Variants in ITGA2 observed in about 807,000 individuals in gnomAD.
The protein encoded by ITGA2 is integrin subunit alpha 2.
ITGA2 carries 101 observed loss-of-function variants against 146.3 expected under a neutral mutation model. That is an observed-to-expected ratio of 0.69 (90% CI 0.59 to 0.81). The LOEUF (loss-of-function observed/expected upper bound fraction) is 0.81. Among genes scored for constraint, ITGA2 ranks in the 40% least tolerant of loss-of-function variants. The pLI is 0.00. For synonymous variants in ITGA2, 477 were observed against 487.1 expected, an observed-to-expected ratio of 0.98 and a Z score of 0.27; for missense variants, 1,281 against 1,402.7, an observed-to-expected ratio of 0.91 and a Z score of 1.39.
At position 53,091,408 on chromosome 5, in the gene ITGA2, G is replaced by C. The variant is rs2112056457; in HGVS notation, c.*809G>C. 1 of 152,284 alleles carries C rather than the reference G, an allele frequency of 6.6e-6. No individual in the cohort carries two copies. The highest frequency in any genetic ancestry group is 6.5e-5 in the Admixed American group (1 of 15,300). The allele number at this position is 152,284 out of a possible 1,614,324, so 9.4% of individuals were successfully genotyped here. ...CCATCCTGTGCCAGAGGAAGGAAAA[G>C]GAGGAAATTTCCTTTCTCTTTTAGG... On this transcript the variant is annotated 3_prime_UTR_variant, in exon 30 of 30. Coordinates refer to ENST00000296585, the MANE Select transcript of ITGA2 (RefSeq NM_002203.4).
At chr5:52,991,155 C>A (rs557276199) in intron 1 of ITGA2, among the ~76,000 whole-genome samples, 1 of 152,236 alleles carries the variant, frequency 6.6e-6, no homozygotes, top group South Asian at 2.1e-4. Context: ...AAAATAACAT[C>A]TGCAAAAGTT....
chr5:53,006,330 G>T (rs1741848403), intron 1 of ITGA2, among the ~76,000 whole-genome samples: 1 of 152,044 alleles, frequency 6.6e-6, no homozygotes, highest in Admixed American at 6.6e-5. Context: ...TCTTTTTAGG[G>T]TTCTCCTATA....
rs193168830 is a variant in ITGA2 at position 53,073,111 on chromosome 5, T to C, written c.2430-7T>C. The C allele has an allele frequency of 1.9e-6, 3 of 1,611,584 alleles. No homozygotes were observed. Among genetic ancestry groups the C allele is most frequent in the East Asian group, 4.5e-5 (2 of 44,716 alleles). On this transcript the variant is annotated splice_polypyrimidine_tract_variant and splice_region_variant and intron_variant, in intron 19 of 29. Transcript: ENST00000296585. The stretch of plus-strand genomic sequence containing the variant: ...GGCTTTTCCCCCCTCCTTTTTACTT[T>C]TAACAGAGAACAACCCTTTATTGTC...
At chr5:53,043,799 A>T (rs1743923729) in intron 3 of ITGA2, among the ~76,000 whole-genome samples, 1 of 152,192 alleles carries the variant, frequency 6.6e-6, no homozygotes, top group Non-Finnish European at 1.5e-5. Context: ...ATAGAGTCTT[A>T]AAAAGAGTTC....
In ITGA2 at chr5:53,039,426, G is replaced by GT. The variant is rs764626858; in HGVS notation, c.186-2678dup. ...GCTTCCCTCTCAACTTGGTTGATTT[G>GT]TTTTTTTTACATTTACTTGGACCAA... On this transcript the variant is annotated intron_variant, in intron 2 of 29. Transcript: ENST00000296585. 9.9e-4 allele frequency among the ~76,000 whole-genome samples: 150 copies of GT among 151,834 alleles called. 1 individual carries two copies. Among genetic ancestry groups the GT allele is most frequent in the African/African-American group, 3.5e-3 (144 of 41,416 alleles).
chr5:53,073,690 G>A (rs1317808188), intron 20 of ITGA2, among the ~76,000 whole-genome samples: 1 of 151,760 alleles, frequency 6.6e-6, no homozygotes, highest in Non-Finnish European at 1.5e-5. Flanking sequence ...TATACCAGGA[G>A]CACACTTGAC....
intron 7 of ITGA2, among the ~76,000 whole-genome samples, chr5:53,052,795 A>G (rs1242126184): frequency 6.6e-6 from 1 of 151,582 alleles, no homozygotes; most frequent in Admixed American, 6.6e-5. Context: ...TCCTTTTCCT[A>G]TTTTTTCTTC....
At chr5:53,072,504 T>C (rs1444031177) in intron 18 of ITGA2, 109 bp from the exon 19 acceptor site, 2 of 735,088 alleles carry the variant, frequency 2.7e-6, no homozygotes, top group African/African-American at 1.8e-5. Context: ...TCCTAGAACA[T>C]TGTTTGGTTT....
intron 1 of ITGA2, among the ~76,000 whole-genome samples, chr5:53,000,541 C>T (rs150208254): frequency 9.0e-4 from 137 of 152,258 alleles, no homozygotes; most frequent in Admixed American, 1.7e-3. Context: ...GCCTACACTT[C>T]ATTCTGGTTA....
At chr5:53,074,530 G>C (rs887048020) in intron 21 of ITGA2, 53 bp downstream of exon 21, 1 of 1,326,628 alleles carries the variant, frequency 7.5e-7, no homozygotes, top group African/African-American at 1.4e-5. Context: ...TAGCACATAT[G>C]CTAATTTACC....
At chr5:53,011,018 G>C (rs1460148050) in intron 1 of ITGA2, among the ~76,000 whole-genome samples, 1 of 152,130 alleles carries the variant, frequency 6.6e-6, no homozygotes, top group Non-Finnish European at 1.5e-5. Flanking sequence ...ACAGCCCCAA[G>C]AAGATAGAAG....
intron 1 of ITGA2, among the ~76,000 whole-genome samples, chr5:53,004,110 C>T (rs1741713339): frequency 6.6e-6 from 1 of 152,142 alleles, no homozygotes; most frequent in Admixed American, 6.5e-5. Context: ...AATAGCAATA[C>T]ACTACTCCAG....
intron 1 of ITGA2, among the ~76,000 whole-genome samples, chr5:53,010,570 A>G (rs548893023): frequency 6.6e-6 from 1 of 152,192 alleles, no homozygotes; most frequent in Non-Finnish European, 1.5e-5. Context: ...CATGCCTGGC[A>G]TCTCACTCAC....
At chr5:53,043,287 A>G (rs868575645) in intron 3 of ITGA2, among the ~76,000 whole-genome samples, 10 of 152,014 alleles carry the variant, frequency 6.6e-5, no homozygotes, top group Admixed American at 1.3e-4. Flanking sequence ...ATTTTAGTAT[A>G]TCACCCCTAA....
chr5:52,989,478 G>C lies in ITGA2; in HGVS notation c.10G>C (p.Glu4Gln). The C allele has an allele frequency of 6.2e-7, 1 of 1,614,208 alleles. No homozygotes were observed. Among genetic ancestry groups the C allele is most frequent in the Middle Eastern group, 1.6e-4 (1 of 6,062 alleles). Residue 4 changes from glutamate to glutamine, a missense_variant, in exon 1 of 30, where the codon GAA becomes CAA. Physicochemically the swap from Glu to Gln is conservative, Grantham distance 29. Transcript: ENST00000296585. Reference sequence around the variant, plus strand: ...CCCGGTCAGACCCAGGATGGGGCCAGAACGGACAGGGGCCGCGCCGCTGCC... The same window carrying C: ...CCCGGTCAGACCCAGGATGGGGCCACAACGGACAGGGGCCGCGCCGCTGCC... MGP[E>Q]RTGAAPLPLL...
chr5:53,038,278 G>A (rs1031727830), intron 2 of ITGA2, among the ~76,000 whole-genome samples: 7 of 151,510 alleles, frequency 4.6e-5, no homozygotes, highest in Non-Finnish European at 7.4e-5. Flanking sequence ...AGCCTCTCTC[G>A]GGCTGTGGTG....
At chr5:53,071,445 C>T (rs1698813108) in intron 17 of ITGA2, among the ~76,000 whole-genome samples, 1 of 151,740 alleles carries the variant, frequency 6.6e-6, no homozygotes, top group Non-Finnish European at 1.5e-5. Flanking sequence ...AGCCCGCAGC[C>T]AGCCAAGGAA....
chr5:53,075,444 G>T, intron 23 of ITGA2, 140 bp downstream of exon 23: 1 of 746,436 alleles, frequency 1.3e-6, no homozygotes, highest in Non-Finnish European at 2.4e-6. Context: ...ACTAAAACAG[G>T]AGTCCACAGA....
rs1740806544 is a variant in ITGA2 at position 52,989,503 on chromosome 5, CGCT to C, written c.43_45del (p.Leu15del). 1.2e-6 allele frequency: 2 copies of C among 1,613,388 alleles called. No individual in the cohort carries two copies. Among genetic ancestry groups the C allele is most frequent in the South Asian group, 2.2e-5 (2 of 91,052 alleles). On this transcript the variant is annotated inframe_deletion, in exon 1 of 30. Transcript: ENST00000296585. ...GAACGGACAGGGGCCGCGCCGCTGCCGCTGCTGCTGGTGTTAGCGCTCAGTCAA... is the reference window on the plus strand; with the variant it reads ...GAACGGACAGGGGCCGCGCCGCTGCCGCTGCTGGTGTTAGCGCTCAGTCAA...
Sources: allele counts gnomAD v4.1 joint callset (sites outside exome capture counted in the v4.1 genomes callset), GRCh38; gene constraint gnomAD v4.1.1; transcripts MANE v1.5; gene names NCBI Gene and HGNC (gene_info 2026-07-23, HGNC 2026-07-21).